The following ADAMTS2 variants were observed in gnomAD, a reference collection of about 807,000 sequenced individuals.
The protein encoded by ADAMTS2 is A disintegrin and metalloproteinase with thrombospondin motifs 2.
Under a neutral mutation model 123.0 loss-of-function variants are expected in ADAMTS2, and 50 were observed. The ratio of observed to expected loss-of-function variants is 0.41; its 90% confidence interval spans 0.32 to 0.51. ADAMTS2 has a LOEUF of 0.51. Ranked by LOEUF, ADAMTS2 falls within the 20% of genes least tolerant of loss-of-function variation. The pLI, the probability that ADAMTS2 is intolerant of heterozygous loss-of-function variation, is 0.35. For synonymous variants in ADAMTS2, 678 were observed against 695.4 expected, an observed-to-expected ratio of 0.98 and a Z score of 0.39; for missense variants, 1,494 against 1,705.2, an observed-to-expected ratio of 0.88 and a Z score of 2.18.
intron 3 of ADAMTS2, among the ~76,000 whole-genome samples, chr5:179,248,903 C>T (rs1202473821): frequency 6.6e-6 from 1 of 152,100 alleles, no homozygotes; most frequent in African/African-American, 2.4e-5. Context: ...GACAGACATA[C>T]ATAGAGCACC....
intron 2 of ADAMTS2, among the ~76,000 whole-genome samples, chr5:179,292,723 T>G (rs759249651): frequency 2.0e-5 from 3 of 152,062 alleles, no homozygotes; most frequent in Non-Finnish European, 4.4e-5. Context: ...TGACTCTCTC[T>G]CCTTGCAAGA....
intron 5 of ADAMTS2, among the ~76,000 whole-genome samples, chr5:179,168,177 C>T (rs1195769733): frequency 6.6e-6 from 1 of 152,196 alleles, no homozygotes; most frequent in Non-Finnish European, 1.5e-5. Flanking sequence ...GTTGAGCACA[C>T]CCCTGGGCAC....
At chr5:179,257,656 C>A (rs1373084331) in intron 3 of ADAMTS2, among the ~76,000 whole-genome samples, 4 of 152,340 alleles carry the variant, frequency 2.6e-5, no homozygotes, top group Admixed American at 6.5e-5. Context: ...AGAAACGGAA[C>A]CGCTGGAAAG....
chr5:179,334,705 A>C (rs767955442), intron 2 of ADAMTS2, among the ~76,000 whole-genome samples: 1 of 152,132 alleles, frequency 6.6e-6, no homozygotes, highest in Non-Finnish European at 1.5e-5. Context: ...AACCCAAGGG[A>C]CTCCACAAAG....
chr5:179,122,586 A>AC (rs1762783232), intron 20 of ADAMTS2, 58 bp downstream of exon 20: 1 of 1,538,818 alleles, frequency 6.5e-7, no homozygotes, highest in Non-Finnish European at 8.8e-7. Flanking sequence ...AGCCTCTGAC[A>AC]CCCCCGCCCT....
chr5:179,329,208 TC>T (rs1757411341), intron 2 of ADAMTS2, among the ~76,000 whole-genome samples: 1 of 151,630 alleles, frequency 6.6e-6, no homozygotes, highest in Admixed American at 6.6e-5. Context: ...GCGCCTGTAG[TC>T]CCAGCTACTC....
At chr5:179,139,543 C>CTG (rs1763123721) in intron 11 of ADAMTS2, among the ~76,000 whole-genome samples, 1 of 151,982 alleles carries the variant, frequency 6.6e-6, no homozygotes, top group South Asian at 2.1e-4. Flanking sequence ...GTGCTAGCAT[C>CTG]GGGGGGGCTG....
chr5:179,276,313 G>A (rs756540408), intron 2 of ADAMTS2, among the ~76,000 whole-genome samples: 15 of 152,174 alleles, frequency 9.9e-5, no homozygotes, highest in African/African-American at 3.6e-4. Flanking sequence ...CCCGGTGCGT[G>A]GTGTGGAGAA....
intron 2 of ADAMTS2, among the ~76,000 whole-genome samples, chr5:179,309,540 G>A (rs562978912): frequency 2.1e-4 from 32 of 152,228 alleles, no homozygotes; most frequent in African/African-American, 7.5e-4. Flanking sequence ...GGCGGGTCAC[G>A]AGGTCAGGAA....
rs756649326 is a variant in ADAMTS2, at chr5:179,312,132, G to A, written c.534+31635C>T. 5.3e-5 allele frequency among the ~76,000 whole-genome samples: 8 copies of A among 152,170 alleles called. No individual in the cohort carries two copies. The highest frequency in any genetic ancestry group is 7.3e-5 in the Non-Finnish European group (5 of 68,032). On this transcript the variant is annotated intron_variant, in intron 2 of 21. Transcript: ENST00000251582. The surrounding 1 kb of genome is among the most constrained non-coding windows in gnomAD (Gnocchi z 4.2). ...GCTGAAAAATGGCCCCCGAAGACAC[G>A]TCCGGGTCCCAATCCCTGGAACCCA... is the stretch of plus-strand genomic sequence containing the variant.
intron 11 of ADAMTS2, among the ~76,000 whole-genome samples, chr5:179,139,010 A>G (rs1013631701): frequency 6.6e-6 from 1 of 152,242 alleles, no homozygotes; most frequent in Admixed American, 6.5e-5. Flanking sequence ...GAAATTACAG[A>G]TTGTCAATAT....
rs903960642 is a variant in ADAMTS2, at chr5:179,182,116, C to T, written c.892-961G>A. ...TCCCCCTGGAAGGCCCCCCGCAGGCCTGAGCCGCCCCTCATCAAGCACAAG... is the reference window on the plus strand; with the variant it reads ...TCCCCCTGGAAGGCCCCCCGCAGGCTTGAGCCGCCCCTCATCAAGCACAAG... On this transcript the variant is annotated intron_variant, in intron 4 of 21. Coordinates refer to ENST00000251582, the MANE Select transcript of ADAMTS2 (RefSeq NM_014244.5). Among the ~76,000 whole-genome samples the T allele has an allele frequency of 4.6e-5, 7 of 152,212 alleles. No individual in the cohort carries two copies. In the South Asian group the frequency reaches 1.4e-3, roughly 32 times the overall value.
chr5:179,240,236 T>C (rs1402400183), intron 3 of ADAMTS2, among the ~76,000 whole-genome samples: 1 of 152,126 alleles, frequency 6.6e-6, no homozygotes, highest in African/African-American at 2.4e-5. Flanking sequence ...CTGGTGAACA[T>C]CATCGTAAGC....
intron 5 of ADAMTS2, among the ~76,000 whole-genome samples, chr5:179,173,083 G>A (rs141672344): frequency 5.2e-4 from 79 of 151,112 alleles, no homozygotes; most frequent in African/African-American, 1.5e-3. Flanking sequence ...GTGGTGGTGC[G>A]TGCCTGTAGT....
chr5:179,275,866 G>C (rs1367699708), intron 2 of ADAMTS2, among the ~76,000 whole-genome samples: 4 of 152,242 alleles, frequency 2.6e-5, no homozygotes, highest in African/African-American at 9.6e-5. Flanking sequence ...CAGGGTCCTG[G>C]TGGGTGGCCG....
intron 5 of ADAMTS2, among the ~76,000 whole-genome samples, chr5:179,179,260 T>G (rs1161242557): frequency 6.6e-6 from 1 of 151,736 alleles, no homozygotes; most frequent in African/African-American, 2.4e-5. Context: ...AGTAGGTTTT[T>G]TTTTTTTTTA....
intron 3 of ADAMTS2, among the ~76,000 whole-genome samples, chr5:179,257,788 C>T (rs1581225148): frequency 6.6e-6 from 1 of 152,222 alleles, no homozygotes; most frequent in African/African-American, 2.4e-5. Flanking sequence ...AGTGAAGGTC[C>T]CCAGCACTGA....
At chr5:179,299,295 T>TGGGTGAATCAC (rs1561706678) in intron 2 of ADAMTS2, among the ~76,000 whole-genome samples, 7 of 78,042 alleles carry the variant, frequency 9.0e-5, no homozygotes, top group Non-Finnish European at 1.9e-4. Context: ...TTTGGGAGGC[T>TGGGTGAATCAC]GAGGCGGGCG....
At chr5:179,273,555 T>G (rs1766605461) in intron 2 of ADAMTS2, among the ~76,000 whole-genome samples, 1 of 152,160 alleles carries the variant, frequency 6.6e-6, no homozygotes, top group Non-Finnish European at 1.5e-5. Flanking sequence ...AACAATATTT[T>G]TAAAGCTCTG....
Sources: gnomAD v4.1 joint callset for allele counts (sites outside exome capture counted in the v4.1 genomes callset) on GRCh38, gnomAD v4.1.1 for gene constraint, Gnocchi (gnomAD v3.1) non-coding constraint, MANE v1.5 for transcripts, NCBI Gene and HGNC (gene_info 2026-07-23, HGNC 2026-07-21) for gene names.